NUCKS1: variants seen among roughly 807,000 people sequenced by gnomAD.
The protein encoded by NUCKS1 is nuclear ubiquitous casein and cyclin-dependent kinase substrate 1.
In NUCKS1, 2 loss-of-function variants were observed where a neutral mutation model predicts 33.0. That is an observed-to-expected ratio of 0.06 (90% CI 0.02 to 0.19). The LOEUF (loss-of-function observed/expected upper bound fraction) is 0.19. Ranked by LOEUF, NUCKS1 falls within the 10% of genes least tolerant of loss-of-function variation. The pLI is 1.00. For missense variants in NUCKS1, 201 were observed against 293.6 expected (o/e 0.68, Z 2.31); for synonymous variants, 106 against 102.8 (o/e 1.03, Z -0.19).
At chr1:205,732,150 C>A (rs1653930229) in intron 1 of NUCKS1, among the ~76,000 whole-genome samples, 1 of 152,092 alleles carries the variant, frequency 6.6e-6, no homozygotes, top group Non-Finnish European at 1.5e-5. Context: ...AGAGAAAAAA[C>A]AAGGCTCTTA....
At chr1:205,727,081 G>A (rs940952564) in intron 3 of NUCKS1, among the ~76,000 whole-genome samples, 5 of 151,806 alleles carry the variant, frequency 3.3e-5, no homozygotes, top group Non-Finnish European at 5.9e-5. Context: ...CTCCTGCCTC[G>A]GACTCCTGAG....
chr1:205,747,225 C>T (rs1261846624), intron 1 of NUCKS1, among the ~76,000 whole-genome samples: 1 of 152,168 alleles, frequency 6.6e-6, no homozygotes, highest in East Asian at 1.9e-4. Flanking sequence ...CCAACATTTG[C>T]ACCTGCTAGT....
intron 1 of NUCKS1, among the ~76,000 whole-genome samples, chr1:205,749,495 G>A (rs1170982379): frequency 6.6e-6 from 1 of 151,248 alleles, no homozygotes; most frequent in Non-Finnish European, 1.5e-5. Flanking sequence ...CCCCACCCCC[G>A]CGCCAGTCGC....
chr1:205,748,044 G>A (rs1189216030), intron 1 of NUCKS1, among the ~76,000 whole-genome samples: 1 of 150,248 alleles, frequency 6.7e-6, no homozygotes, highest in Non-Finnish European at 1.5e-5. Context: ...CTTCAATTAG[G>A]GGAAATAAAC....
chr1:205,749,802 G>A (rs950526729), intron 1 of NUCKS1, among the ~76,000 whole-genome samples, 155 bp downstream of exon 1: 2 of 150,994 alleles, frequency 1.3e-5, no homozygotes, highest in Admixed American at 1.3e-4. Flanking sequence ...GCGCCAGCAG[G>A]GCCCCCCACG....
intron 1 of NUCKS1, among the ~76,000 whole-genome samples, chr1:205,743,254 G>C (rs545357251): frequency 6.6e-6 from 1 of 152,240 alleles, no homozygotes; most frequent in South Asian, 2.1e-4. Context: ...GTGTTTTTTG[G>C]GCTGGAGGAA....
chr1:205,733,268 A>C (rs1653959726), intron 1 of NUCKS1, among the ~76,000 whole-genome samples: 1 of 152,240 alleles, frequency 6.6e-6, no homozygotes, highest in African/African-American at 2.4e-5. Flanking sequence ...CAAATGAATA[A>C]ATTGAGAATA....
At chr1:205,749,835 G>A (rs368330752) in intron 1 of NUCKS1, 122 bp downstream of exon 1, 18,343 of 1,105,750 alleles carry the variant, frequency 0.017, 231 homozygotes, top group South Asian at 0.03. Flanking sequence ...CGCGGGCCCC[G>A]AAAGGGAGGA....
chr1:205,721,495 T>C (rs186886150), intron 4 of NUCKS1, among the ~76,000 whole-genome samples: 69 of 152,348 alleles, frequency 4.5e-4, no homozygotes, highest in African/African-American at 1.6e-3. Context: ...AAATCTATGT[T>C]CACTGTTTTT....
intron 1 of NUCKS1, among the ~76,000 whole-genome samples, chr1:205,744,814 TAG>T (rs1233839184): frequency 6.6e-6 from 1 of 152,004 alleles, no homozygotes. Context: ...GTATTTTCAG[TAG>T]AGACGGGGTT....
intron 1 of NUCKS1, among the ~76,000 whole-genome samples, chr1:205,738,672 G>A (rs1045836286): frequency 3.3e-5 from 5 of 152,048 alleles, no homozygotes; most frequent in Admixed American, 6.6e-5. Context: ...CGAGGTGGGC[G>A]GATGGCTTCA....
intron 5 of NUCKS1, 115 bp from the exon 6 acceptor site, chr1:205,719,791 G>A: frequency 8.8e-7 from 1 of 1,134,806 alleles, no homozygotes; most frequent in Non-Finnish European, 1.2e-6. Flanking sequence ...AAACACCCTT[G>A]GATTCTATTT....
In NUCKS1 at chr1:205,717,359, T is replaced by C. The variant is rs1671839881; in HGVS notation, c.*921A>G. 1 of 986,886 alleles carries C rather than the reference T, an allele frequency of 1.0e-6. No individual in the cohort carries two copies. The highest frequency in any genetic ancestry group is 1.2e-6 in the Non-Finnish European group (1 of 829,624). 61.1% of individuals were successfully genotyped at this position (986,886 alleles called of 1,614,324 possible). A position where few individuals can be genotyped will look rare whatever the true frequency, so the allele number is the denominator to read the frequency against. On this transcript the variant is annotated 3_prime_UTR_variant, in exon 7 of 7. Transcript: ENST00000367142. ...TGTCAGTTTGAAAAGAAATCCACTG[T>C]GACCTGTAGACTGATCTTGTTGATT...
At chr1:205,749,887 TC>T (rs1553253610) in intron 1 of NUCKS1, 69 bp downstream of exon 1, 5 of 1,490,452 alleles carry the variant, frequency 3.4e-6, no homozygotes, top group Non-Finnish European at 4.6e-6. Flanking sequence ...TAGCCTTCTG[TC>T]CCCCACTCTT....
intron 4 of NUCKS1, among the ~76,000 whole-genome samples, chr1:205,721,370 A>G (rs1032813990): frequency 3.9e-5 from 6 of 152,220 alleles, no homozygotes; most frequent in Non-Finnish European, 5.9e-5. Context: ...TTACATATAA[A>G]GTAACAAGGG....
chr1:205,742,530 G>C (rs1226654625), intron 1 of NUCKS1, among the ~76,000 whole-genome samples: 1 of 152,132 alleles, frequency 6.6e-6, no homozygotes, highest in Non-Finnish European at 1.5e-5. Flanking sequence ...AAAAATAAAA[G>C]GTTTCCTCCT....
chr1:205,721,266 T>A (rs1257271841), intron 4 of NUCKS1, among the ~76,000 whole-genome samples: 10 of 149,620 alleles, frequency 6.7e-5, no homozygotes, highest in African/African-American at 2.5e-4. Flanking sequence ...TGCACATGTA[T>A]CCCACAACAT....
intron 1 of NUCKS1, among the ~76,000 whole-genome samples, chr1:205,743,690 G>C (rs988132763): frequency 1.2e-4 from 18 of 152,106 alleles, no homozygotes; most frequent in Admixed American, 9.2e-4. Context: ...TAGGCTCTTG[G>C]AAAGTGGAGC....
At position 205,727,763 on chromosome 1, in the gene NUCKS1, A is replaced by G. The variant is rs2102435545; in HGVS notation, c.110T>C (p.Ile37Thr). Residue 37 changes from isoleucine to threonine, a missense_variant, in exon 3 of 7, where the codon ATT becomes ACT. By Grantham distance (89) the Ile-to-Thr change is moderately conservative. Transcript: ENST00000367142. ...TTTAGCTTCTCGGGGAGATGATCGA[A>G]TTTTCTTAGTGGGAGGGCCCGAATC... ...GRDSGPPTKK[I>T]RSSPREAKNK... 1 of 1,613,520 alleles carries G rather than the reference A, an allele frequency of 6.2e-7. No individual in the cohort carries two copies. The highest frequency in any genetic ancestry group is 2.2e-5 in the East Asian group (1 of 44,810).
Sources: allele counts gnomAD v4.1 joint callset (sites outside exome capture counted in the v4.1 genomes callset), GRCh38; gene constraint gnomAD v4.1.1; transcripts MANE v1.5; gene names NCBI Gene and HGNC (gene_info 2026-07-23, HGNC 2026-07-21).